TRIM2: variants seen among roughly 807,000 people sequenced by gnomAD.
The protein encoded by TRIM2 is tripartite motif-containing protein 2.
A neutral mutation model predicts 75.2 loss-of-function variants in TRIM2; 20 were observed. The ratio of observed to expected loss-of-function variants is 0.27; its 90% CI spans 0.19 to 0.39. The LOEUF (loss-of-function observed/expected upper bound fraction) is 0.39, where lower values mean the gene tolerates loss of function less well. Ranked by LOEUF, TRIM2 falls within the 10% of genes least tolerant of loss-of-function variation. The pLI, the probability that TRIM2 is intolerant of heterozygous loss-of-function variation, is 1.00. For missense variants in TRIM2, 660 were observed against 990.8 expected (o/e 0.67, Z 4.48); for synonymous variants, 373 against 388.3 (o/e 0.96, Z 0.46).
chr4:153,296,408 A>C (rs1244911562), intron 6 of TRIM2, among the ~76,000 whole-genome samples: 8 of 152,138 alleles, frequency 5.3e-5, no homozygotes, highest in Admixed American at 5.2e-4. Context: ...TCCTCCCCCT[A>C]ACCCCCACCA....
At chr4:153,154,525 G>A (rs942017702) in intron 1 of TRIM2, among the ~76,000 whole-genome samples, 1 of 152,174 alleles carries the variant, frequency 6.6e-6, no homozygotes, top group East Asian at 1.9e-4. Flanking sequence ...CTAAGAGATA[G>A]GCTACGATTT....
chr4:153,275,341 C>G (rs991196486), intron 2 of TRIM2, among the ~76,000 whole-genome samples: 2 of 152,156 alleles, frequency 1.3e-5, no homozygotes, highest in African/African-American at 4.8e-5. Context: ...CTCTGGGTGT[C>G]CCATTCTTGC....
chr4:153,216,671 T>G (rs1738554265), intron 1 of TRIM2, among the ~76,000 whole-genome samples: 1 of 152,192 alleles, frequency 6.6e-6, no homozygotes, highest in East Asian at 1.9e-4. Context: ...AAATTTATTT[T>G]TAGTTCTGGA....
intron 1 of TRIM2, among the ~76,000 whole-genome samples, chr4:153,207,965 A>G (rs1735934377): frequency 6.6e-6 from 1 of 152,196 alleles, no homozygotes; most frequent in Non-Finnish European, 1.5e-5. Flanking sequence ...TTGAAGGCTC[A>G]TCCAGGAATA....
chr4:153,243,419 G>A (rs1288267300), intron 1 of TRIM2, among the ~76,000 whole-genome samples: 1 of 152,256 alleles, frequency 6.6e-6, no homozygotes, highest in Non-Finnish European at 1.5e-5. Context: ...TTGACTGTGG[G>A]CTTTGCTTCT....
At chr4:153,207,362 A>T (rs964300998) in intron 1 of TRIM2, among the ~76,000 whole-genome samples, 1 of 152,236 alleles carries the variant, frequency 6.6e-6, no homozygotes. Flanking sequence ...GTTAAGAGCA[A>T]GAGCTTTGAT....
chr4:153,180,426 G>T (rs1205949103), intron 1 of TRIM2, among the ~76,000 whole-genome samples: 1 of 152,208 alleles, frequency 6.6e-6, no homozygotes, highest in Non-Finnish European at 1.5e-5. Context: ...TGGTCCTGAG[G>T]CTTAGCTGTC....
chr4:153,276,188 G>A (rs770747742), intron 3 of TRIM2, 58 bp downstream of exon 3: 1 of 1,412,636 alleles, frequency 7.1e-7, no homozygotes, highest in Non-Finnish European at 1.0e-6. Flanking sequence ...GCCTTGGGGA[G>A]GCTTTGGGTA....
intron 3 of TRIM2, among the ~76,000 whole-genome samples, chr4:153,277,985 G>A (rs970486142): frequency 6.6e-6 from 1 of 152,194 alleles, no homozygotes; most frequent in Non-Finnish European, 1.5e-5. Context: ...TACTAGTTAT[G>A]GGAAGGTATT....
intron 1 of TRIM2, among the ~76,000 whole-genome samples, chr4:153,241,519 C>T (rs1255942462): frequency 9.2e-5 from 14 of 152,176 alleles, no homozygotes; most frequent in Non-Finnish European, 8.8e-5. Context: ...CAGAGTGATA[C>T]ATAACAAAGG....
At chr4:153,174,535 C>G (rs1731218389) in intron 1 of TRIM2, among the ~76,000 whole-genome samples, 1 of 152,190 alleles carries the variant, frequency 6.6e-6, no homozygotes. Flanking sequence ...ATCAGACAGG[C>G]TGCCCTTTCC....
intron 6 of TRIM2, among the ~76,000 whole-genome samples, chr4:153,307,139 T>A (rs1167780357): frequency 6.6e-6 from 1 of 152,206 alleles, no homozygotes; most frequent in Non-Finnish European, 1.5e-5. Context: ...CATCTGTTGA[T>A]GATGATTTAA....
intron 6 of TRIM2, among the ~76,000 whole-genome samples, chr4:153,296,628 T>A (rs933019296): frequency 7.2e-5 from 11 of 151,998 alleles, no homozygotes; most frequent in African/African-American, 2.7e-4. Context: ...AAGAATGGGG[T>A]TGAGGCGGGG....
chr4:153,202,525 AAAAT>A (rs763740958), upstream of TRIM2, among the ~76,000 whole-genome samples: 3 of 151,482 alleles, frequency 2.0e-5, no homozygotes, highest in East Asian at 2.0e-4. Flanking sequence ...ACTCTACTAA[AAAAT>A]AAATAAATAA....
intron 1 of TRIM2, among the ~76,000 whole-genome samples, chr4:153,179,299 T>C (rs1018735434): frequency 2.0e-5 from 3 of 149,886 alleles, no homozygotes; most frequent in African/African-American, 7.3e-5. Context: ...AATACTTAAA[T>C]TTATGTTAAA....
intron 1 of TRIM2, among the ~76,000 whole-genome samples, chr4:153,211,152 T>C (rs976584772): frequency 5.3e-5 from 8 of 152,056 alleles, no homozygotes; most frequent in African/African-American, 1.7e-4. Flanking sequence ...ACCGACCTGG[T>C]GGTGTCTCAA....
At chr4:153,185,474 G>A (rs1732506046) in intron 1 of TRIM2, among the ~76,000 whole-genome samples, 2 of 152,118 alleles carry the variant, frequency 1.3e-5, no homozygotes, top group South Asian at 4.2e-4. Context: ...ATGTCTCGGT[G>A]TGATGAGTGG....
intron 6 of TRIM2, among the ~76,000 whole-genome samples, chr4:153,314,876 G>C (rs565368504): frequency 2.0e-5 from 3 of 152,264 alleles, no homozygotes; most frequent in Non-Finnish European, 2.9e-5. Flanking sequence ...CTGAGTGAGA[G>C]GGTAGAATTT....
intron 8 of TRIM2, among the ~76,000 whole-genome samples, chr4:153,321,077 T>A (rs998296748): frequency 4.6e-5 from 7 of 152,314 alleles, no homozygotes; most frequent in Middle Eastern, 3.4e-3. Context: ...TCCTTCGCCT[T>A]CCTTGTCTGC....
Sources: allele counts gnomAD v4.1 joint callset (sites outside exome capture counted in the v4.1 genomes callset), GRCh38; gene constraint gnomAD v4.1.1; transcripts MANE v1.5; gene names NCBI Gene and HGNC (gene_info 2026-07-23, HGNC 2026-07-21).